JARID2: variants seen among roughly 807,000 people sequenced by gnomAD.
The protein encoded by JARID2 is protein Jumonji.
A neutral mutation model predicts 125.6 loss-of-function variants in JARID2; 21 were observed. That is an observed-to-expected ratio of 0.17 (90% CI 0.12 to 0.24). JARID2 has a LOEUF of 0.24. JARID2 is among the 10% of genes least tolerant of loss of function. The pLI is 1.00. For synonymous variants in JARID2, 736 were observed against 661.6 expected (o/e 1.11, Z -1.73); for missense variants, 1,303 against 1,639.6 (o/e 0.79, Z 3.55).
intron 1 of JARID2, among the ~76,000 whole-genome samples, chr6:15,339,129 G>A (rs567037602): frequency 1.3e-5 from 2 of 152,080 alleles, no homozygotes; most frequent in Non-Finnish European, 2.9e-5. Context: ...GGTGGAAGAC[G>A]GGAAGCGGAG....
In JARID2 at chr6:15,352,323, C is replaced by T. The variant is rs535897583; in HGVS notation, c.46-21794C>T. On this transcript the variant is annotated intron_variant, in intron 1 of 17. Coordinates refer to ENST00000341776, the MANE Select transcript of JARID2 (RefSeq NM_004973.4). ...TATGTAGCCCCCCGCCTCTCCACCC[C>T]GTTCTTAATATTAATGTTACATTGT... Among the ~76,000 whole-genome samples, 5 of 152,252 alleles carry T rather than the reference C, an allele frequency of 3.3e-5. No individual in the cohort carries two copies. In the East Asian group the frequency reaches 5.8e-4, roughly 18 times the overall value.
intron 3 of JARID2, among the ~76,000 whole-genome samples, chr6:15,417,296 T>C (rs1197188640): frequency 1.3e-5 from 2 of 152,152 alleles, no homozygotes; most frequent in African/African-American, 4.8e-5. Flanking sequence ...CTTGTTGTGT[T>C]ATATAATGCA....
chr6:15,357,391 C>A (rs746298654), intron 1 of JARID2, among the ~76,000 whole-genome samples: 1 of 152,144 alleles, frequency 6.6e-6, no homozygotes, highest in South Asian at 2.1e-4. Context: ...TGAATTCATT[C>A]TTAGTCTTTA....
chr6:15,285,591 A>G (rs147868047), intron 1 of JARID2, among the ~76,000 whole-genome samples: 1 of 152,320 alleles, frequency 6.6e-6, no homozygotes, highest in African/African-American at 2.4e-5. Flanking sequence ...CATGAGGTAA[A>G]GTTAAACCCA....
At chr6:15,454,300 G>T (rs953213462) in intron 4 of JARID2, among the ~76,000 whole-genome samples, 5 of 152,096 alleles carry the variant, frequency 3.3e-5, no homozygotes, top group African/African-American at 9.7e-5. Context: ...TGTTGGGGGG[G>T]AAATTTTGAC....
chr6:15,481,163 A>C (rs1207513133), intron 5 of JARID2, among the ~76,000 whole-genome samples: 5 of 152,252 alleles, frequency 3.3e-5, no homozygotes, highest in Admixed American at 1.3e-4. Flanking sequence ...TTTGGATTTA[A>C]AGATTTTGCC....
chr6:15,348,705 A>C (rs1474998338), intron 1 of JARID2, among the ~76,000 whole-genome samples: 4 of 152,204 alleles, frequency 2.6e-5, no homozygotes, highest in African/African-American at 9.6e-5. Context: ...CTGAAACCAT[A>C]CAGGTAAAAA....
chr6:15,306,938 A>T (rs558353147), intron 1 of JARID2, among the ~76,000 whole-genome samples: 20 of 148,406 alleles, frequency 1.3e-4, no homozygotes, highest in Non-Finnish European at 2.2e-4. Flanking sequence ...TTATATATAT[A>T]TTTTTAACAT....
intron 3 of JARID2, among the ~76,000 whole-genome samples, chr6:15,422,669 T>C (rs919082268): frequency 6.6e-6 from 1 of 152,238 alleles, no homozygotes; most frequent in Non-Finnish European, 1.5e-5. Flanking sequence ...TCCCCACTTC[T>C]GCTTCCCCAT....
chr6:15,437,307 G>T (rs759204404), intron 3 of JARID2, among the ~76,000 whole-genome samples: 5 of 152,154 alleles, frequency 3.3e-5, no homozygotes, highest in Non-Finnish European at 7.4e-5. Context: ...TTCCTGTTCA[G>T]ACCTGAAAGG....
chr6:15,500,864 T>C (rs368556318), intron 7 of JARID2, 43 bp from the exon 8 acceptor site: 29 of 1,539,296 alleles, frequency 1.9e-5, no homozygotes, highest in Middle Eastern at 1.7e-4. Flanking sequence ...TGTTCGTGTC[T>C]CTTTCACTAA....
Position 15,438,042 on chromosome 6 carries a change from G to A in JARID2, c.324-13964G>A, listed in dbSNP as rs140726843. ...GTTTAATGTCTTGGGGCCTGTTCTG[G>A]GTATGAAGTTACTATGGCTGCTTTT... is the stretch of plus-strand genomic sequence containing the variant. On this transcript the variant is annotated intron_variant, in intron 3 of 17. Coordinates refer to ENST00000341776, the MANE Select transcript of JARID2 (RefSeq NM_004973.4). Among the ~76,000 whole-genome samples the A allele has an allele frequency of 9.5e-4, 144 of 152,270 alleles. No individual in the cohort carries two copies. In the East Asian group the frequency reaches 0.022, roughly 23 times the overall value.
intron 1 of JARID2, among the ~76,000 whole-genome samples, chr6:15,311,199 C>A (rs145016749): frequency 2.8e-4 from 42 of 152,286 alleles, no homozygotes; most frequent in Non-Finnish European, 5.3e-4. Context: ...TCCAGTAACC[C>A]CTAGCAGTGC....
chr6:15,255,575 C>G (rs1489809112), intron 1 of JARID2, among the ~76,000 whole-genome samples: 1 of 152,102 alleles, frequency 6.6e-6, no homozygotes, highest in Non-Finnish European at 1.5e-5. Context: ...GTGGTTCTGT[C>G]TCCATTATTT....
intron 5 of JARID2, among the ~76,000 whole-genome samples, chr6:15,469,386 CTCCCCCTT>C (rs201651536): frequency 0.013 from 705 of 55,316 alleles, 26 homozygotes; most frequent in East Asian, 0.015. Context: ...CTCTCCCCCT[CTCCCCCTT>C]TCCCCCTCTC....
intron 5 of JARID2, among the ~76,000 whole-genome samples, chr6:15,472,755 C>CTGG (rs1769138101): frequency 6.6e-6 from 1 of 152,134 alleles, no homozygotes; most frequent in Non-Finnish European, 1.5e-5. Flanking sequence ...TGTCCAGAGT[C>CTGG]ACCAGCCATT....
rs981861110 is a variant in JARID2, at chr6:15,289,566, A to G, written c.45+42982A>G. ...CTTTAAATTGTAAAAAAAAAAAACC[A>G]TGTTTTAAGGCCGGGCGCAGTGAGT... On this transcript the variant is annotated intron_variant, in intron 1 of 17. Transcript: ENST00000341776. 1.1e-4 allele frequency among the ~76,000 whole-genome samples: 16 copies of G among 151,384 alleles called. No individual in the cohort carries two copies. In the East Asian group the frequency reaches 3.1e-3, roughly 29 times the overall value.
Position 15,521,049 on chromosome 6 carries a change from C to T in JARID2, c.*798C>T, listed in dbSNP as rs1246007832. 2 of 141,544 alleles carry T rather than the reference C, an allele frequency of 1.4e-5. No individual in the cohort carries two copies. The highest frequency in any genetic ancestry group is 3.0e-5 in the Non-Finnish European group (2 of 67,658). The allele number at this position is 141,544 out of a possible 1,614,324, so 8.8% of individuals were successfully genotyped here. A position where few individuals can be genotyped will look rare whatever the true frequency, so the allele number is the denominator to read the frequency against. The stretch of plus-strand genomic sequence containing the variant: ...CTGTTGGCTACTTTATCAAAAAACC[C>T]TTCAATAGCATCCTTAAGATTTAAA... On this transcript the variant is annotated 3_prime_UTR_variant, in exon 18 of 18. Transcript: ENST00000341776.
At chr6:15,431,531 A>G (rs1397091125) in intron 3 of JARID2, among the ~76,000 whole-genome samples, 1 of 152,166 alleles carries the variant, frequency 6.6e-6, no homozygotes, top group Non-Finnish European at 1.5e-5. Flanking sequence ...TGCTGTTACC[A>G]CTGCCTCCAC....
Sources: gnomAD v4.1 joint callset for allele counts (sites outside exome capture counted in the v4.1 genomes callset) on GRCh38, gnomAD v4.1.1 for gene constraint, MANE v1.5 for transcripts, NCBI Gene and HGNC (gene_info 2026-07-23, HGNC 2026-07-21) for gene names.